The following PCDHA6 variants were observed in gnomAD, a reference collection of about 807,000 sequenced individuals.
PCDHA6 encodes the protein protocadherin alpha-6.
PCDHA6 carries 55 observed loss-of-function variants against 60.3 expected under a neutral mutation model. The observed-to-expected ratio is 0.91, with a 90% CI of 0.73 to 1.14. The LOEUF is 1.14. Ranked by LOEUF, PCDHA6 falls within the 50% of genes most tolerant of loss-of-function variation. The probability of loss-of-function intolerance (pLI) is 0.00; values close to 1 mark genes in which losing one functional copy is unlikely to be tolerated. For missense variants in PCDHA6, 1,327 were observed against 1,256.5 expected, an observed-to-expected ratio of 1.06 and a Z score of -0.85; for synonymous variants, 652 against 557.9, an observed-to-expected ratio of 1.17 and a Z score of -2.38.
intron 1 of PCDHA6, chr5:140,927,485 C>T: frequency 6.2e-7 from 1 of 1,614,098 alleles, no homozygotes; most frequent in Non-Finnish European, 8.5e-7. Context: ...CAGCGCGCCA[C>T]CCACCTGCTG....
At chr5:140,882,013 A>G (rs2058902739) in intron 1 of PCDHA6, 1 of 534,534 alleles carries the variant, frequency 1.9e-6, no homozygotes, top group African/African-American at 1.9e-5. Flanking sequence ...GCAAAAAAAT[A>G]CTACATCAAT....
intron 1 of PCDHA6, among the ~76,000 whole-genome samples, chr5:140,917,473 C>G (rs1355146896): frequency 1.3e-5 from 2 of 152,196 alleles, no homozygotes; most frequent in Admixed American, 1.3e-4. Flanking sequence ...GTCATGAAAT[C>G]TTTGCCAGGG....
intron 1 of PCDHA6, among the ~76,000 whole-genome samples, chr5:140,910,901 C>T (rs1433262630): frequency 6.6e-6 from 1 of 152,142 alleles, no homozygotes; most frequent in African/African-American, 2.4e-5. Context: ...CTATGCCTGT[C>T]CTCCAGATTT....
chr5:140,873,557 T>C (rs1347474996), intron 1 of PCDHA6, among the ~76,000 whole-genome samples: 1 of 150,760 alleles, frequency 6.6e-6, no homozygotes, highest in Non-Finnish European at 1.5e-5. Context: ...TTTCAATTTA[T>C]TTTCTAGTTT....
chr5:141,000,361 GTCTCTCTCTCTCTCTC>G (rs148596731), intron 3 of PCDHA6, among the ~76,000 whole-genome samples: 6 of 26,448 alleles, frequency 2.3e-4, no homozygotes, highest in African/African-American at 1.2e-3. Context: ...GTCTCTCTCT[GTCTCTCTCTCTCTCTC>G]TCTCTCTCTC....
chr5:140,845,410 G>A (rs1316753115), intron 1 of PCDHA6, among the ~76,000 whole-genome samples: 3 of 149,216 alleles, frequency 2.0e-5, no homozygotes, highest in South Asian at 4.2e-4. Context: ...ATTGTATTTG[G>A]CAATTTATCA....
intron 1 of PCDHA6, chr5:140,870,212 T>C (rs2051764636): frequency 6.2e-7 from 1 of 1,614,076 alleles, no homozygotes; most frequent in Non-Finnish European, 8.5e-7. Context: ...GTCATTGCCC[T>C]GATCAGCGTG....
chr5:140,940,549 A>G (rs1554213474), intron 1 of PCDHA6, among the ~76,000 whole-genome samples: 1 of 152,110 alleles, frequency 6.6e-6, no homozygotes, highest in Non-Finnish European at 1.5e-5. Context: ...CCTGGGCTCA[A>G]GTGATTCTCC....
intron 1 of PCDHA6, among the ~76,000 whole-genome samples, chr5:140,964,473 T>C (rs1457345251): frequency 6.6e-6 from 1 of 152,068 alleles, no homozygotes; most frequent in Non-Finnish European, 1.5e-5. Flanking sequence ...TGCCTATGAT[T>C]TTTTCACAGT....
rs2150261271 is a variant in PCDHA6 at position 140,836,456 on chromosome 5, C to G, written c.2394+5971C>G. ...CGTTGGGCATTGCAGGCCCAGAGAC[C>G]GAGCTGGTGGATGTCAACGTGTACC... On this transcript the variant is annotated intron_variant, in intron 1 of 3. Transcript: ENST00000529310. 17 of 1,613,808 alleles carry G rather than the reference C, an allele frequency of 1.1e-5. 2 individuals carry two copies. The highest frequency in any genetic ancestry group is 6.6e-5 in the South Asian group (6 of 91,076).
At chr5:140,941,219 C>CTTTCTTTCTT (rs1563186292) in intron 1 of PCDHA6, among the ~76,000 whole-genome samples, 18 of 125,974 alleles carry the variant, frequency 1.4e-4, no homozygotes, top group African/African-American at 4.5e-4. Context: ...TTCTTCCTTT[C>CTTTCTTTCTT]TTTCTTTCTT....
intron 1 of PCDHA6, among the ~76,000 whole-genome samples, chr5:140,897,765 C>T (rs1305140331): frequency 6.6e-6 from 1 of 152,216 alleles, no homozygotes; most frequent in Admixed American, 6.5e-5. Flanking sequence ...AATCGCCACA[C>T]TGACTTCCAC....
intron 1 of PCDHA6, chr5:140,850,329 C>T: frequency 6.3e-7 from 1 of 1,597,650 alleles, no homozygotes; most frequent in Non-Finnish European, 8.6e-7. Context: ...ATACGAGCTG[C>T]AGCCAGAAAC....
intron 1 of PCDHA6, among the ~76,000 whole-genome samples, chr5:140,952,473 A>C (rs1262702527): frequency 6.6e-6 from 1 of 152,210 alleles, no homozygotes; most frequent in Non-Finnish European, 1.5e-5. Flanking sequence ...GCATAAGGAA[A>C]GTGACATTTG....
chr5:140,964,964 C>A (rs1035701368), intron 1 of PCDHA6, among the ~76,000 whole-genome samples: 1 of 152,094 alleles, frequency 6.6e-6, no homozygotes, highest in Non-Finnish European at 1.5e-5. Flanking sequence ...GTTGGTGGAA[C>A]GAAGGGATGT....
intron 1 of PCDHA6, chr5:140,857,559 C>G (rs550275293): frequency 2.5e-6 from 4 of 1,596,876 alleles, no homozygotes; most frequent in Non-Finnish European, 3.4e-6. Context: ...CGCTCGCTGT[C>G]GAGCTACGTG....
At position 140,876,234 on chromosome 5, in the gene PCDHA6, T is replaced by C. The variant is rs1260556049; in HGVS notation, c.2394+45749T>C. 4 of 1,613,902 alleles carry C rather than the reference T, an allele frequency of 2.5e-6. No individual in the cohort carries two copies. In the South Asian group the frequency reaches 3.3e-5, roughly 13 times the overall value. On this transcript the variant is annotated intron_variant, in intron 1 of 3. Transcript: ENST00000529310. ...GCTATAAAGTAGTGTTGTCTGAAAA[T>C]GTCCAAAACGACACAAGAGTGATCC...
chr5:140,966,888 C>A, intron 1 of PCDHA6: 13 of 1,593,128 alleles, frequency 8.2e-6, no homozygotes, highest in Non-Finnish European at 1.1e-5. Context: ...GGCCCTGCGG[C>A]CTCCCAGCTG....
chr5:140,966,502 GGCA>G (rs2096011406), intron 1 of PCDHA6: 14 of 433,816 alleles, frequency 3.2e-5, no homozygotes, highest in South Asian at 2.3e-4. Context: ...GAGCTGTAGC[GGCA>G]GCAGCAGCAG....
Sources: allele counts gnomAD v4.1 joint callset (sites outside exome capture counted in the v4.1 genomes callset), GRCh38; gene constraint gnomAD v4.1.1; transcripts MANE v1.5; gene names NCBI Gene and HGNC (gene_info 2026-07-23, HGNC 2026-07-21).